WWOX: variants seen among roughly 807,000 people sequenced by gnomAD.
WWOX encodes the protein WW domain containing oxidoreductase.
Under a neutral mutation model 46.2 loss-of-function variants are expected in WWOX, and 69 were observed. The observed-to-expected ratio is 1.49, with a 90% CI of 1.23 to 1.82. The LOEUF (loss-of-function observed/expected upper bound fraction) is 1.82. Ranked by LOEUF, WWOX falls within the 40% of genes most tolerant of loss-of-function variation. The pLI is 0.00. For missense variants in WWOX, 919 were observed against 542.6 expected, an observed-to-expected ratio of 1.69 and a Z score of -6.89; for synonymous variants, 359 against 202.6, an observed-to-expected ratio of 1.77 and a Z score of -6.56.
At chr16:78,674,988 AC>A (rs1318959536) in intron 8 of WWOX, among the ~76,000 whole-genome samples, 1 of 152,156 alleles carries the variant, frequency 6.6e-6, no homozygotes, top group Admixed American at 6.5e-5. Flanking sequence ...AACCATGCTT[AC>A]CTTGAAGAGT....
At chr16:78,435,796 C>G (rs1326403922) in intron 8 of WWOX, among the ~76,000 whole-genome samples, 1 of 152,116 alleles carries the variant, frequency 6.6e-6, no homozygotes, top group Non-Finnish European at 1.5e-5. Context: ...AGACATGTCA[C>G]CAGCTTTCTG....
Position 78,946,688 on chromosome 16 carries a change from G to C in WWOX, c.1057-264920G>C, listed in dbSNP as rs532970856. 5.1e-4 allele frequency among the ~76,000 whole-genome samples: 77 copies of C among 152,242 alleles called. 1 individual carries two copies. The highest frequency in any genetic ancestry group is 6.0e-4 in the Non-Finnish European group (41 of 68,022). On this transcript the variant is annotated intron_variant, in intron 8 of 8. Coordinates refer to ENST00000566780, the MANE Select transcript of WWOX (RefSeq NM_016373.4). ...ACTCTGCAGACATGTTGCAGGCCTGGAAAACTGTGTGGTGCGTCTGTTTTT... is the reference window on the plus strand; with the variant it reads ...ACTCTGCAGACATGTTGCAGGCCTGCAAAACTGTGTGGTGCGTCTGTTTTT...
intron 8 of WWOX, among the ~76,000 whole-genome samples, chr16:78,962,722 C>T (rs1473140538): frequency 1.3e-5 from 2 of 152,114 alleles, no homozygotes; most frequent in Non-Finnish European, 2.9e-5. Context: ...CTTATTTATA[C>T]AACTGTGTAA....
At chr16:78,297,388 A>C (rs1034412351) in intron 5 of WWOX, among the ~76,000 whole-genome samples, 2 of 152,096 alleles carry the variant, frequency 1.3e-5, no homozygotes, top group African/African-American at 4.8e-5. Context: ...TTCCAACAGC[A>C]TCCCCCACAG....
At chr16:79,188,022 C>G (rs2051054346) in intron 8 of WWOX, among the ~76,000 whole-genome samples, 1 of 152,214 alleles carries the variant, frequency 6.6e-6, no homozygotes, top group Non-Finnish European at 1.5e-5. Context: ...TCTTCAAACA[C>G]AAATTCCTTC....
At chr16:78,336,940 G>A (rs1041824395) in intron 5 of WWOX, among the ~76,000 whole-genome samples, 12 of 151,962 alleles carry the variant, frequency 7.9e-5, no homozygotes, top group East Asian at 1.9e-4. Flanking sequence ...CACCATGCCC[G>A]GCTAATTTTT....
intron 5 of WWOX, among the ~76,000 whole-genome samples, chr16:78,228,856 C>T (rs1276431860): frequency 6.6e-6 from 1 of 152,170 alleles, no homozygotes; most frequent in Non-Finnish European, 1.5e-5. Flanking sequence ...GTGAGGCTCT[C>T]GTGGCTTTTT....
At chr16:79,129,087 G>A (rs899990329) in intron 8 of WWOX, among the ~76,000 whole-genome samples, 1 of 152,040 alleles carries the variant, frequency 6.6e-6, no homozygotes, top group Non-Finnish European at 1.5e-5. Context: ...TTGCAAGTAT[G>A]GATCTTGATA....
intron 8 of WWOX, among the ~76,000 whole-genome samples, chr16:78,477,009 T>C (rs937841183): frequency 2.6e-5 from 4 of 152,120 alleles, no homozygotes; most frequent in Non-Finnish European, 5.9e-5. Flanking sequence ...GTCTGCGCTT[T>C]TGTTGGTAAT....
chr16:79,184,414 C>T (rs1041702167), intron 8 of WWOX, among the ~76,000 whole-genome samples: 1 of 152,200 alleles, frequency 6.6e-6, no homozygotes, highest in Non-Finnish European at 1.5e-5. Context: ...TAATCAGTCA[C>T]CATGTAAGGA....
At chr16:78,947,210 A>G (rs2045966433) in intron 8 of WWOX, among the ~76,000 whole-genome samples, 2 of 152,234 alleles carry the variant, frequency 1.3e-5, no homozygotes, top group East Asian at 1.9e-4. Context: ...AAATTAGGAT[A>G]ATCCAACTGG....
chr16:78,855,578 A>G (rs149964982), intron 8 of WWOX, among the ~76,000 whole-genome samples: 71 of 152,322 alleles, frequency 4.7e-4, no homozygotes, highest in Middle Eastern at 3.4e-3. Context: ...TGTTTGTGTT[A>G]ATACTTCCTG....
At chr16:78,483,371 G>A (rs1223193570) in intron 8 of WWOX, among the ~76,000 whole-genome samples, 1 of 142,756 alleles carries the variant, frequency 7.0e-6, no homozygotes, top group African/African-American at 2.8e-5. Flanking sequence ...GGCTGACATG[G>A]AAGATTTTTT....
chr16:78,696,751 G>T (rs1170105612), intron 8 of WWOX, among the ~76,000 whole-genome samples: 1 of 151,922 alleles, frequency 6.6e-6, no homozygotes, highest in Non-Finnish European at 1.5e-5. Context: ...CGAGACTTTG[G>T]TGCACCCATC....
intron 8 of WWOX, among the ~76,000 whole-genome samples, chr16:78,686,447 T>C (rs935277072): frequency 6.6e-6 from 1 of 151,230 alleles, no homozygotes; most frequent in African/African-American, 2.4e-5. Flanking sequence ...GGAGGTGGAG[T>C]TTGCAGTTAG....
chr16:78,802,510 A>C (rs943788271), intron 8 of WWOX, among the ~76,000 whole-genome samples: 1 of 152,186 alleles, frequency 6.6e-6, no homozygotes, highest in Non-Finnish European at 1.5e-5. Context: ...TTAAATTATT[A>C]ATAGTTGAGG....
At chr16:78,460,980 A>T (rs1486342280) in intron 8 of WWOX, among the ~76,000 whole-genome samples, 1 of 151,458 alleles carries the variant, frequency 6.6e-6, no homozygotes, top group South Asian at 2.1e-4. Flanking sequence ...TTCTTGCCAC[A>T]GGTAGAAGCC....
At chr16:78,881,199 T>G (rs1205349012) in intron 8 of WWOX, among the ~76,000 whole-genome samples, 1 of 151,946 alleles carries the variant, frequency 6.6e-6, no homozygotes, top group African/African-American at 2.4e-5. Context: ...GATGGGATTT[T>G]GCCATGTTGC....
intron 8 of WWOX, among the ~76,000 whole-genome samples, chr16:78,548,698 T>A (rs2044106872): frequency 6.6e-6 from 1 of 152,244 alleles, no homozygotes; most frequent in African/African-American, 2.4e-5. Context: ...CCAATTTATT[T>A]AATTAATTTT....
Sources: gnomAD v4.1 joint callset for allele counts (sites outside exome capture counted in the v4.1 genomes callset) on GRCh38, gnomAD v4.1.1 for gene constraint, MANE v1.5 for transcripts, NCBI Gene and HGNC (gene_info 2026-07-23, HGNC 2026-07-21) for gene names.